Variants in TENM1 observed in about 807,000 individuals in gnomAD.
The protein encoded by TENM1 is teneurin-1.
Under a neutral mutation model 174.8 loss-of-function variants are expected in TENM1, and 35 were observed. The ratio of observed to expected loss-of-function variants is 0.20; its 90% CI spans 0.15 to 0.27. The LOEUF (loss-of-function observed/expected upper bound fraction) is 0.27, where lower values mean the gene tolerates loss of function less well. TENM1 is among the 10% of genes least tolerant of loss of function. TENM1 has a pLI of 1.00. For synonymous variants in TENM1, 781 were observed against 798.7 expected (o/e 0.98, Z 0.37); for missense variants, 1,633 against 2,130.1 (o/e 0.77, Z 4.59).
Position 124,460,136 on chromosome X carries a change from T to C in TENM1, c.3950-6645A>G, listed in dbSNP as rs766919069. On this transcript the variant is annotated intron_variant, in intron 22 of 31. Coordinates refer to ENST00000422452, the Ensembl canonical transcript of TENM1. ...TGCTTATACACTGTTGGTAGGAGTG[T>C]AAATTAGTTCAACCATTGTGGAAGA... 3.6e-5 allele frequency among the ~76,000 whole-genome samples: 4 copies of C among 111,996 alleles called. No individual in the cohort carries two copies. The Admixed American group carries it at 3.8e-4, about 11-fold the overall frequency.
At chrX:124,544,842 G>T (rs2048395239) in intron 15 of TENM1, among the ~76,000 whole-genome samples, 1 of 111,768 alleles carries the variant, frequency 8.9e-6, no homozygotes, top group Non-Finnish European at 1.9e-5. Context: ...CTGAACCTCA[G>T]TTTCCTTATA....
intron 1 of TENM1, among the ~76,000 whole-genome samples, chrX:124,931,729 G>C: frequency 9.0e-6 from 1 of 111,029 alleles, no homozygotes; most frequent in South Asian, 3.8e-4. Flanking sequence ...ATTTTCTGTG[G>C]CCTACGCTGG....
At chrX:125,038,341 GTTAC>G in the TENM1 span, among the ~76,000 whole-genome samples, 11 of 110,113 alleles carry the variant, frequency 1.0e-4, no homozygotes, top group Admixed American at 2.0e-4. Context: ...CGTCGGTCAG[GTTAC>G]TTAGCCTGTC....
At chrX:125,178,013 A>G in the TENM1 span, among the ~76,000 whole-genome samples, 4 of 111,781 alleles carry the variant, frequency 3.6e-5, no homozygotes, top group Non-Finnish European at 7.5e-5. Context: ...AATTGAGTCT[A>G]CAAGTTAAGG....
At chrX:125,027,289 GA>G in the TENM1 span, among the ~76,000 whole-genome samples, 3 of 107,910 alleles carry the variant, frequency 2.8e-5, no homozygotes, top group African/African-American at 6.7e-5. Flanking sequence ...AATTCAATAA[GA>G]AAAAAAAAGC....
the TENM1 span, among the ~76,000 whole-genome samples, chrX:125,136,839 G>C: frequency 8.9e-6 from 1 of 112,002 alleles, no homozygotes; most frequent in Non-Finnish European, 1.9e-5. Context: ...GCATACAGGA[G>C]AATGTGCATC....
chrX:124,594,896 T>C (rs1257617498), intron 11 of TENM1, among the ~76,000 whole-genome samples: 1 of 112,155 alleles, frequency 8.9e-6, no homozygotes, highest in Non-Finnish European at 1.9e-5. Flanking sequence ...AATGTCAGGA[T>C]AGTTAATTCT....
At chrX:124,798,391 T>C (rs1217067081) in intron 3 of TENM1, among the ~76,000 whole-genome samples, 1 of 111,986 alleles carries the variant, frequency 8.9e-6, no homozygotes, top group African/African-American at 3.2e-5. Flanking sequence ...ATTCTACTGG[T>C]GTGAGATGGT....
the TENM1 span, among the ~76,000 whole-genome samples, chrX:125,155,097 G>A: frequency 1.1e-4 from 12 of 111,600 alleles, no homozygotes; most frequent in African/African-American, 3.9e-4. Flanking sequence ...CCAGTGGTCT[G>A]TTTTGACAGG....
At chrX:125,096,290 A>G in the TENM1 span, among the ~76,000 whole-genome samples, 30,117 of 111,269 alleles carry the variant, frequency 0.27, 3,298 homozygotes, top group African/African-American at 0.41. Context: ...GTGGCTAAAC[A>G]GCAAGTTGTG....
intron 5 of TENM1, among the ~76,000 whole-genome samples, chrX:124,686,573 C>T (rs1460130958): frequency 3.6e-5 from 4 of 111,815 alleles, no homozygotes; most frequent in Admixed American, 1.9e-4. Flanking sequence ...TTATCCATCA[C>T]GATCAAGTCA....
intron 3 of TENM1, among the ~76,000 whole-genome samples, chrX:124,797,763 G>T (rs958444392): frequency 4.6e-5 from 5 of 109,373 alleles, no homozygotes; most frequent in African/African-American, 1.7e-4. Context: ...TGTGTGCCTT[G>T]GTGGTTTTCT....
the TENM1 span, among the ~76,000 whole-genome samples, chrX:124,992,831 C>T: frequency 2.7e-5 from 3 of 111,604 alleles, no homozygotes; most frequent in Admixed American, 9.5e-5. Context: ...GGAGAGTGTG[C>T]TCTGTATCTT....
At chrX:124,757,266 C>T (rs1227888650) in intron 3 of TENM1, among the ~76,000 whole-genome samples, 5 of 112,269 alleles carry the variant, frequency 4.5e-5, no homozygotes, top group East Asian at 2.8e-4. Context: ...TAGCAATCAG[C>T]GAGACTCCGT....
the TENM1 span, among the ~76,000 whole-genome samples, chrX:125,139,857 C>T: frequency 4.2e-5 from 3 of 72,221 alleles, no homozygotes; most frequent in Non-Finnish European, 5.0e-5. Flanking sequence ...CACACACACA[C>T]GGAGAGAGAG....
chrX:124,478,905 C>T (rs1470502755), intron 22 of TENM1, among the ~76,000 whole-genome samples: 4 of 112,502 alleles, frequency 3.6e-5, no homozygotes, highest in African/African-American at 1.3e-4. Context: ...TAGCAATACT[C>T]TCCTCTCATT....
the TENM1 span, among the ~76,000 whole-genome samples, chrX:125,122,550 G>T: frequency 2.7e-5 from 3 of 111,792 alleles, no homozygotes; most frequent in Non-Finnish European, 5.6e-5. Flanking sequence ...TTTCCAAATT[G>T]CTTAATTATA....
intron 11 of TENM1, among the ~76,000 whole-genome samples, chrX:124,613,766 C>T (rs1415217809): frequency 1.8e-5 from 2 of 111,616 alleles, no homozygotes; most frequent in South Asian, 3.8e-4. Flanking sequence ...CTGACCCTAG[C>T]GTTGCCCTTA....
intron 11 of TENM1, among the ~76,000 whole-genome samples, chrX:124,632,785 T>C (rs1193926696): frequency 1.8e-5 from 2 of 112,092 alleles, no homozygotes; most frequent in Non-Finnish European, 3.8e-5. Flanking sequence ...ATTACAGGAA[T>C]AGTATCATTC....
Sources: gnomAD v4.1 joint callset for allele counts (sites outside exome capture counted in the v4.1 genomes callset) on GRCh38, gnomAD v4.1.1 for gene constraint, MANE v1.5 for transcripts, NCBI Gene and HGNC (gene_info 2026-07-23, HGNC 2026-07-21) for gene names.